Variants in OCA2 observed in about 807,000 individuals in gnomAD.
The protein encoded by OCA2 is P protein.
OCA2 carries 77 observed loss-of-function variants against 100.2 expected under a neutral mutation model. That is an observed-to-expected ratio of 0.77 (90% CI 0.64 to 0.93). The LOEUF is 0.93. Ranked by LOEUF, OCA2 falls within the 40% of genes least tolerant of loss-of-function variation. OCA2 has a pLI of 0.00. For missense variants in OCA2, 1,062 were observed against 1,089.1 expected (o/e 0.98, Z 0.35); for synonymous variants, 432 against 439.2 (o/e 0.98, Z 0.21).
At chr15:27,832,830 ATT>A (rs112415796) in intron 23 of OCA2, among the ~76,000 whole-genome samples, 29 of 135,688 alleles carry the variant, frequency 2.1e-4, no homozygotes, top group East Asian at 1.5e-3. Context: ...TAAATATCTG[ATT>A]TTTTTTTTTT....
At chr15:27,764,567 T>C (rs577092502) in intron 23 of OCA2, among the ~76,000 whole-genome samples, 1 of 152,258 alleles carries the variant, frequency 6.6e-6, no homozygotes, top group South Asian at 2.1e-4. Context: ...AAAACTCCAC[T>C]GGGACTGGGA....
chr15:27,762,812 T>A (rs756633013), intron 23 of OCA2, among the ~76,000 whole-genome samples: 22 of 152,238 alleles, frequency 1.4e-4, no homozygotes, highest in Non-Finnish European at 2.4e-4. Flanking sequence ...TGTGTTAATT[T>A]CTCTTACATT....
chr15:28,022,271 C>T (rs2042616990), intron 6 of OCA2, among the ~76,000 whole-genome samples: 1 of 152,188 alleles, frequency 6.6e-6, no homozygotes, highest in African/African-American at 2.4e-5. Flanking sequence ...CCTGCTGTCC[C>T]CCTTCCTCAC....
At chr15:27,726,533 C>T in the OCA2 span, among the ~76,000 whole-genome samples, 1 of 152,062 alleles carries the variant, frequency 6.6e-6, no homozygotes, top group African/African-American at 2.4e-5. Context: ...AGCACATGGG[C>T]CTGGAGATAG....
intron 19 of OCA2, among the ~76,000 whole-genome samples, chr15:27,878,340 T>C (rs775684665): frequency 6.6e-6 from 1 of 152,154 alleles, no homozygotes; most frequent in Non-Finnish European, 1.5e-5. Context: ...TTCTCTGTAG[T>C]ATCATTTTGC....
intron 15 of OCA2, among the ~76,000 whole-genome samples, chr15:27,958,902 ATGG>A (rs577913315): frequency 6.6e-6 from 1 of 152,310 alleles, no homozygotes; most frequent in African/African-American, 2.4e-5. Context: ...GATTCAAGGC[ATGG>A]TGATCACCCG....
intron 23 of OCA2, among the ~76,000 whole-genome samples, chr15:27,817,934 A>G (rs755153871): frequency 1.3e-5 from 2 of 152,344 alleles, no homozygotes; most frequent in Non-Finnish European, 2.9e-5. Flanking sequence ...TTCTAATAAA[A>G]TGATACATTA....
intron 23 of OCA2, among the ~76,000 whole-genome samples, chr15:27,797,540 A>T (rs1184398964): frequency 2.5e-5 from 3 of 122,406 alleles, no homozygotes; most frequent in Non-Finnish European, 4.9e-5. Flanking sequence ...CTCCATTCAC[A>T]TTAACGGAGA....
At chr15:27,946,164 A>G (rs1328025146) in intron 18 of OCA2, among the ~76,000 whole-genome samples, 2 of 152,188 alleles carry the variant, frequency 1.3e-5, no homozygotes, top group Non-Finnish European at 2.9e-5. Flanking sequence ...TCACTGAATT[A>G]TCTTTCTAAA....
chr15:28,022,218 G>A (rs1254461387), intron 6 of OCA2, among the ~76,000 whole-genome samples: 1 of 152,228 alleles, frequency 6.6e-6, no homozygotes, highest in Non-Finnish European at 1.5e-5. Flanking sequence ...GAGGAAAGGA[G>A]TATCGGGGAG....
chr15:27,838,382 G>C (rs930006560), intron 23 of OCA2, among the ~76,000 whole-genome samples: 1 of 152,148 alleles, frequency 6.6e-6, no homozygotes, highest in African/African-American at 2.4e-5. Context: ...GCAAACAGGA[G>C]GCCAAAAACA....
At chr15:27,819,053 G>T (rs1220485045) in intron 23 of OCA2, among the ~76,000 whole-genome samples, 2 of 152,144 alleles carry the variant, frequency 1.3e-5, no homozygotes, top group Admixed American at 6.5e-5. Flanking sequence ...TACAAATAGG[G>T]TAAAACTCCT....
intron 2 of OCA2, among the ~76,000 whole-genome samples, chr15:28,033,878 A>G (rs1235262660): frequency 6.6e-6 from 1 of 152,230 alleles, no homozygotes; most frequent in Non-Finnish European, 1.5e-5. Flanking sequence ...TGAGTGGACC[A>G]AACAACCAGA....
chr15:27,867,509 A>G (rs1046130955), intron 21 of OCA2, among the ~76,000 whole-genome samples: 4 of 152,242 alleles, frequency 2.6e-5, no homozygotes, highest in Admixed American at 2.6e-4. Flanking sequence ...ATAAAGGACT[A>G]GAAAAAGATA....
chr15:27,745,226 C>T, the OCA2 span, among the ~76,000 whole-genome samples: 57,802 of 151,954 alleles, frequency 0.38, 11,861 homozygotes, highest in Non-Finnish European at 0.46. Flanking sequence ...GAGGAGGAAA[C>T]GTGTCCACCC....
intron 23 of OCA2, among the ~76,000 whole-genome samples, chr15:27,785,289 T>C (rs1286039677): frequency 1.3e-5 from 2 of 152,098 alleles, no homozygotes; most frequent in Non-Finnish European, 2.9e-5. Context: ...GCAAAAGAAC[T>C]GAAAACAGGT....
rs151141125 is a variant in OCA2, at chr15:27,793,614, T to C, written c.2433-38142A>G. On this transcript the variant is annotated intron_variant, in intron 23 of 23. Coordinates refer to ENST00000354638, the MANE Select transcript of OCA2 (RefSeq NM_000275.3). ...AGAGCTGAAATTGCCTCCGGCACCGTAGCCTTCAGCCCTCCATCCCGCTCA... is the reference window on the plus strand; with the variant it reads ...AGAGCTGAAATTGCCTCCGGCACCGCAGCCTTCAGCCCTCCATCCCGCTCA... Among the ~76,000 whole-genome samples, 115 of 152,364 alleles carry C rather than the reference T, an allele frequency of 7.5e-4. 1 individual carries two copies. The highest frequency in any genetic ancestry group is 2.9e-3 in the Admixed American group (44 of 15,304).
chr15:27,890,492 A>G lies in OCA2; in HGVS notation c.2080-18570T>C, dbSNP rs555855489. 5.3e-5 allele frequency among the ~76,000 whole-genome samples: 8 copies of G among 152,348 alleles called. No homozygotes were observed. In the East Asian group the frequency reaches 1.5e-3, roughly 29 times the overall value. ...TACTATGCGTTACCTACAGGAAAAC[A>G]CAAATTCAAATGGCAGCAAATTTCT... is the stretch of plus-strand genomic sequence containing the variant. On this transcript the variant is annotated intron_variant, in intron 19 of 23. Coordinates refer to ENST00000354638, the MANE Select transcript of OCA2 (RefSeq NM_000275.3).
intron 11 of OCA2, 38 bp from the exon 12 acceptor site, chr15:27,986,681 C>T (rs1447219759): frequency 7.5e-7 from 1 of 1,338,002 alleles, no homozygotes; most frequent in Non-Finnish European, 1.1e-6. Flanking sequence ...AATCTTTTAG[C>T]AGGACACCAT....
Sources: gnomAD v4.1 joint callset for allele counts (sites outside exome capture counted in the v4.1 genomes callset) on GRCh38, gnomAD v4.1.1 for gene constraint, MANE v1.5 for transcripts, NCBI Gene and HGNC (gene_info 2026-07-23, HGNC 2026-07-21) for gene names.